The following COMMD1 variants were observed in gnomAD, a reference collection of about 807,000 sequenced individuals.
COMMD1 encodes copper metabolism domain containing 1.
A neutral mutation model predicts 17.2 loss-of-function variants in COMMD1; 10 were observed. The observed-to-expected ratio is 0.58, with a 90% confidence interval of 0.36 to 0.99. COMMD1 has a LOEUF of 0.99. Ranked by LOEUF, COMMD1 falls within the 50% of genes least tolerant of loss-of-function variation. COMMD1 has a pLI of 0.01. For missense variants in COMMD1, 270 were observed against 231.8 expected (o/e 1.17, Z -1.07); for synonymous variants, 97 against 91.6 (o/e 1.06, Z -0.34).
At chr2:62,033,678 A>G (rs1197287816) in intron 2 of COMMD1, among the ~76,000 whole-genome samples, 1 of 152,182 alleles carries the variant, frequency 6.6e-6, no homozygotes, top group African/African-American at 2.4e-5. Context: ...TCAAGCTACT[A>G]CATTTAGTTG....
At chr2:62,070,682 A>G (rs547865893) in intron 2 of COMMD1, among the ~76,000 whole-genome samples, 1 of 152,350 alleles carries the variant, frequency 6.6e-6, no homozygotes, top group South Asian at 2.1e-4. Flanking sequence ...ATCCCACGCA[A>G]GAAAGAATTC....
intron 2 of COMMD1, among the ~76,000 whole-genome samples, chr2:62,072,547 G>A (rs183083566): frequency 2.6e-4 from 40 of 152,246 alleles, no homozygotes; most frequent in African/African-American, 9.1e-4. Context: ...TCTTGGACAC[G>A]GGACAAGAAC....
chr2:62,040,823 G>A (rs1328896402), intron 2 of COMMD1, among the ~76,000 whole-genome samples: 1 of 152,062 alleles, frequency 6.6e-6, no homozygotes, highest in South Asian at 2.1e-4. Context: ...CAGTTCTCGT[G>A]CTTCAGCCTC....
intron 2 of COMMD1, among the ~76,000 whole-genome samples, chr2:62,011,527 C>G (rs999089174): frequency 6.6e-6 from 1 of 151,986 alleles, no homozygotes; most frequent in African/African-American, 2.4e-5. Context: ...TTGCTGCATC[C>G]TCACAGTCTT....
intron 2 of COMMD1, among the ~76,000 whole-genome samples, chr2:62,066,771 G>A (rs2103952216): frequency 6.6e-6 from 1 of 151,924 alleles, no homozygotes; most frequent in East Asian, 2.0e-4. Flanking sequence ...TGTCACCCAG[G>A]CTGGAGTGCA....
At chr2:61,918,887 T>C (rs1670113986) in intron 1 of COMMD1, among the ~76,000 whole-genome samples, 1 of 152,262 alleles carries the variant, frequency 6.6e-6, no homozygotes, top group South Asian at 2.1e-4. Flanking sequence ...GCAGTTTTTA[T>C]AAATTTGGAC....
intron 2 of COMMD1, among the ~76,000 whole-genome samples, chr2:62,089,781 G>A (rs558918938): frequency 1.3e-5 from 2 of 152,128 alleles, no homozygotes; most frequent in Non-Finnish European, 2.9e-5. Context: ...AGGAATTTGG[G>A]CAAGATAAAA....
chr2:62,078,002 A>AT (rs1435586515), intron 2 of COMMD1, among the ~76,000 whole-genome samples: 15 of 152,136 alleles, frequency 9.9e-5, no homozygotes, highest in Non-Finnish European at 5.9e-5. Flanking sequence ...GGGACTGGGC[A>AT]TAGTGGCTCA....
At chr2:61,975,595 A>C (rs1671779921) in intron 1 of COMMD1, among the ~76,000 whole-genome samples, 1 of 151,958 alleles carries the variant, frequency 6.6e-6, no homozygotes, top group African/African-American at 2.4e-5. Context: ...CTTTCTGTAA[A>C]TTTCTTTATA....
intron 2 of COMMD1, among the ~76,000 whole-genome samples, chr2:62,095,824 A>G (rs1208638340): frequency 1.5e-5 from 2 of 136,848 alleles, no homozygotes; most frequent in Non-Finnish European, 3.1e-5. Flanking sequence ...ATATATATGC[A>G]TATCAGGGTT....
At chr2:61,965,496 A>G (rs1008852835) in intron 1 of COMMD1, among the ~76,000 whole-genome samples, 4 of 152,200 alleles carry the variant, frequency 2.6e-5, no homozygotes, top group African/African-American at 9.7e-5. Context: ...CTAGACTGTA[A>G]GCACAGTAAG....
chr2:61,927,704 C>T (rs1373343877), intron 1 of COMMD1, among the ~76,000 whole-genome samples: 1 of 151,362 alleles, frequency 6.6e-6, no homozygotes, highest in Non-Finnish European at 1.5e-5. Context: ...GGCTGGGTGA[C>T]TCCATTTTGA....
At chr2:62,036,546 A>G (rs1670044084) in intron 2 of COMMD1, among the ~76,000 whole-genome samples, 1 of 152,204 alleles carries the variant, frequency 6.6e-6, no homozygotes, top group Admixed American at 6.5e-5. Context: ...AATGTATTGG[A>G]TGGTATGTCT....
chr2:61,989,128 T>C (rs1672180129), intron 1 of COMMD1, among the ~76,000 whole-genome samples: 1 of 152,190 alleles, frequency 6.6e-6, no homozygotes, highest in Non-Finnish European at 1.5e-5. Context: ...TTGGTTCTTG[T>C]GAAAGTGCTT....
upstream of COMMD1, among the ~76,000 whole-genome samples, chr2:61,901,985 A>G (rs548634450): frequency 5.3e-5 from 8 of 152,002 alleles, no homozygotes; most frequent in African/African-American, 1.9e-4. Flanking sequence ...GGCACGCGCC[A>G]TCACGCCCAG....
intron 1 of COMMD1, among the ~76,000 whole-genome samples, chr2:61,920,101 A>C (rs1224286775): frequency 6.6e-6 from 1 of 152,170 alleles, no homozygotes; most frequent in Non-Finnish European, 1.5e-5. Flanking sequence ...GATCTAGTAC[A>C]GCTAGTGCAG....
chr2:62,000,867 A>G lies in COMMD1; in HGVS notation c.347A>G (p.Asn116Ser). The G allele has an allele frequency of 6.2e-7, 1 of 1,614,178 alleles. No homozygotes were observed. The highest frequency in any genetic ancestry group is 1.1e-5 in the South Asian group (1 of 91,092). Residue 116 changes from asparagine to serine, a missense_variant, in exon 2 of 3, where the codon AAT (asparagine) becomes AGT (serine). Physicochemically the swap from Asn to Ser is conservative, Grantham distance 46. Coordinates refer to ENST00000311832, the MANE Select transcript of COMMD1 (RefSeq NM_152516.4). ...AGCCTCATGAACCAGAGCCGCTGGA[A>G]TAGCGGGCTTCGGGGCCTGAGCTGG... ...RESLMNQSRW[N>S]SGLRGLSWRV...
intron 1 of COMMD1, among the ~76,000 whole-genome samples, chr2:61,920,965 G>GTATATATATATATGTGTGTATA (rs1553367991): frequency 8.6e-5 from 11 of 127,936 alleles, no homozygotes; most frequent in African/African-American, 3.0e-4. Flanking sequence ...ATATATGTGT[G>GTATATATATATATGTGTGTATA]TATATATATA....
At chr2:62,011,219 C>T (rs1045729273) in intron 2 of COMMD1, among the ~76,000 whole-genome samples, 3 of 152,128 alleles carry the variant, frequency 2.0e-5, no homozygotes, top group African/African-American at 7.2e-5. Context: ...TTACAATTGA[C>T]AATGTATAAT....
Sources: allele counts gnomAD v4.1 joint callset (sites outside exome capture counted in the v4.1 genomes callset), GRCh38; gene constraint gnomAD v4.1.1; transcripts MANE v1.5; gene names NCBI Gene and HGNC (gene_info 2026-07-23, HGNC 2026-07-21).